Variants in GNL3L observed in about 807,000 individuals in gnomAD.
GNL3L encodes guanine nucleotide-binding protein-like 3-like protein.
Under a neutral mutation model 42.9 loss-of-function variants are expected in GNL3L, and 4 were observed. The ratio of observed to expected loss-of-function variants is 0.09; its 90% confidence interval spans 0.05 to 0.21. The LOEUF is 0.21. Among genes scored for constraint, GNL3L ranks in the 10% least tolerant of loss-of-function variants. The pLI is 1.00. For synonymous variants in GNL3L, 159 were observed against 176.3 expected (o/e 0.90, Z 0.78); for missense variants, 412 against 481.7 (o/e 0.86, Z 1.36).
the GNL3L span, among the ~76,000 whole-genome samples, chrX:54,635,734 T>TA: frequency 6.9e-3 from 622 of 90,758 alleles, 3 homozygotes; most frequent in African/African-American, 0.017. Flanking sequence ...TGTCAGGAAC[T>TA]AAAAAAAAAA....
intron 16 of GNL3L, among the ~76,000 whole-genome samples, chrX:54,617,196 C>T (rs932671069): frequency 8.9e-6 from 1 of 111,956 alleles, no homozygotes; most frequent in Admixed American, 9.5e-5. Context: ...CCTTTCTTTT[C>T]AGAAGTTTCA....
intron 13 of GNL3L, among the ~76,000 whole-genome samples, chrX:54,554,231 C>T (rs1342983081): frequency 9.0e-6 from 1 of 111,108 alleles, no homozygotes; most frequent in Non-Finnish European, 1.9e-5. Flanking sequence ...GGGAGGGAAT[C>T]CCAGTGCCTG....
chrX:54,633,751 G>A, the GNL3L span, among the ~76,000 whole-genome samples: 1 of 112,048 alleles, frequency 8.9e-6, no homozygotes, highest in South Asian at 3.7e-4. Flanking sequence ...TCTCAGTCCC[G>A]CCATGCTCCT....
rs753867755 is a variant in GNL3L at position 54,564,005 on chromosome X, C to T, written c.*3403C>T. Among the ~76,000 whole-genome samples, 6 of 110,423 alleles carry T rather than the reference C, an allele frequency of 5.4e-5. No homozygotes were observed. The highest frequency in any genetic ancestry group is 1.1e-4 in the Non-Finnish European group (6 of 52,904). On this transcript the variant is annotated 3_prime_UTR_variant, in exon 16 of 16. Transcript: ENST00000360845. ...TACAGGAGTGAACCACTACCACAAT[C>T]GAAATATAGTTGCATCACCCCCCTA...
chrX:54,607,085 CT>C (rs1463400497), intron 16 of GNL3L, among the ~76,000 whole-genome samples: 1 of 34,793 alleles, frequency 2.9e-5, no homozygotes, highest in African/African-American at 1.5e-4. Context: ...TTTCTTTCTT[CT>C]TTCTTTCTTT....
At chrX:54,572,415 A>G (rs7889849) in intron 16 of GNL3L, among the ~76,000 whole-genome samples, 7,518 of 110,437 alleles carry the variant, frequency 0.068, 572 homozygotes, top group African/African-American at 0.21. Context: ...CTTTCTACAC[A>G]GACACAGCAA....
At chrX:54,544,724 C>A (rs964198509) in intron 8 of GNL3L, among the ~76,000 whole-genome samples, 5 of 110,402 alleles carry the variant, frequency 4.5e-5, no homozygotes, top group Non-Finnish European at 9.5e-5. Context: ...GTGATCCACC[C>A]ACCTCGGCCT....
In GNL3L at chrX:54,572,645, C is replaced by T. The variant is rs779031714; in HGVS notation, c.*45+11998C>T. On this transcript the variant is annotated intron_variant, in intron 16 of 16. Transcript: ENST00000674498. ...TGGCCGGGCGGGGGGCTGACCCCCC[C>T]ACCTCCCTCCCGGATGGGCGGCTGG... is the stretch of plus-strand genomic sequence containing the variant. Among the ~76,000 whole-genome samples the T allele has an allele frequency of 2.5e-3, 273 of 108,655 alleles. 2 individuals are homozygous for T. Among genetic ancestry groups the T allele is most frequent in the African/African-American group, 8.5e-3 (254 of 29,926 alleles). 94.4% of individuals were successfully genotyped at this position (108,655 alleles called of 115,157 possible). A position where few individuals can be genotyped will look rare whatever the true frequency, so the allele number is the denominator to read the frequency against.
chrX:54,592,365 A>G (rs1925882065), intron 16 of GNL3L, among the ~76,000 whole-genome samples: 1 of 111,921 alleles, frequency 8.9e-6, no homozygotes, highest in Non-Finnish European at 1.9e-5. Context: ...CAGTGATGCA[A>G]GTGGGTATGC....
chrX:54,613,389 C>G (rs890788361), intron 16 of GNL3L, among the ~76,000 whole-genome samples: 3 of 111,491 alleles, frequency 2.7e-5, no homozygotes, highest in African/African-American at 9.8e-5. Flanking sequence ...TCTCTGGTCC[C>G]TCCTTGATTA....
At position 54,566,375 on chromosome X, in the gene GNL3L, G is replaced by A. The variant is rs994335474; in HGVS notation, c.*5773G>A. 1.8e-5 allele frequency among the ~76,000 whole-genome samples: 2 copies of A among 111,270 alleles called. No individual in the cohort carries two copies. Among genetic ancestry groups the A allele is most frequent in the African/African-American group, 6.6e-5 (2 of 30,518 alleles). On this transcript the variant is annotated 3_prime_UTR_variant, in exon 16 of 16. Transcript: ENST00000360845. ...AGGTCGATTCCATGTCTTTGGTATTGTGAATAGTGCTGCAGTGAACATATG... is the reference window on the plus strand; with the variant it reads ...AGGTCGATTCCATGTCTTTGGTATTATGAATAGTGCTGCAGTGAACATATG...
chrX:54,616,590 CT>C (rs1319497477), intron 16 of GNL3L, among the ~76,000 whole-genome samples: 4 of 111,766 alleles, frequency 3.6e-5, no homozygotes, highest in Non-Finnish European at 7.5e-5. Flanking sequence ...TTTTCCCCCC[CT>C]GAACCTAACA....
At chrX:54,633,462 A>G in the GNL3L span, among the ~76,000 whole-genome samples, 1 of 110,960 alleles carries the variant, frequency 9.0e-6, no homozygotes, top group Non-Finnish European at 1.9e-5. Context: ...GCCATAGAGC[A>G]CCCATGAGTT....
At chrX:54,609,584 A>G (rs888725694) in intron 16 of GNL3L, among the ~76,000 whole-genome samples, 25 of 112,268 alleles carry the variant, frequency 2.2e-4, no homozygotes, top group Non-Finnish European at 2.1e-4. Flanking sequence ...CAATTATTCC[A>G]GCACGATTTG....
chrX:54,551,169 C>G, intron 10 of GNL3L, 119 bp downstream of exon 10: 2 of 513,895 alleles, frequency 3.9e-6, no homozygotes, highest in Non-Finnish European at 3.4e-6. Flanking sequence ...ATGCTTTCCC[C>G]AGGCATGGGA....
At chrX:54,614,017 C>G (rs947163368) in intron 16 of GNL3L, among the ~76,000 whole-genome samples, 7 of 110,574 alleles carry the variant, frequency 6.3e-5, no homozygotes, top group Non-Finnish European at 1.3e-4. Context: ...CTTCCACTAC[C>G]AGGGTGGATA....
intron 16 of GNL3L, among the ~76,000 whole-genome samples, chrX:54,592,618 C>G (rs1925884265): frequency 9.0e-6 from 1 of 110,762 alleles, no homozygotes. Context: ...AAGTTGGAAA[C>G]CAGCCTGGGC....
chrX:54,595,160 C>G (rs1202847033), intron 16 of GNL3L, among the ~76,000 whole-genome samples: 2 of 111,936 alleles, frequency 1.8e-5, no homozygotes, highest in African/African-American at 3.2e-5. Context: ...GTGTGTTTTT[C>G]TTTCTGACTG....
At chrX:54,622,273 ATTTTTTTTTTTTTTTTTT>A (rs773487259), downstream of GNL3L, among the ~76,000 whole-genome samples, 12 of 59,018 alleles carry the variant, frequency 2.0e-4, no homozygotes, top group African/African-American at 1.3e-3. Flanking sequence ...AGTTGCAGGA[ATTTTTTTTTTTTTTTTTT>A]TTTTTTTTTT....
Sources: allele counts gnomAD v4.1 joint callset (sites outside exome capture counted in the v4.1 genomes callset), GRCh38; gene constraint gnomAD v4.1.1; transcripts MANE v1.5; gene names NCBI Gene and HGNC (gene_info 2026-07-23, HGNC 2026-07-21).